Variants in ERBB4 observed in about 807,000 individuals in gnomAD.
The protein encoded by ERBB4 is erb-b2 receptor tyrosine kinase 4.
In ERBB4, 42 loss-of-function variants were observed where a neutral mutation model predicts 158.0. That is an observed-to-expected ratio of 0.27 (90% CI 0.21 to 0.34). The LOEUF (loss-of-function observed/expected upper bound fraction) is 0.34, where lower values mean the gene tolerates loss of function less well. ERBB4 is among the 10% of genes least tolerant of loss of function. The probability of loss-of-function intolerance (pLI) is 1.00; values close to 1 mark genes in which losing one functional copy is unlikely to be tolerated. For synonymous variants in ERBB4, 583 were observed against 558.7 expected, an observed-to-expected ratio of 1.04 and a Z score of -0.61; for missense variants, 1,333 against 1,624.1, an observed-to-expected ratio of 0.82 and a Z score of 3.08.
At chr2:211,999,812 C>A (rs2076063090) in intron 2 of ERBB4, among the ~76,000 whole-genome samples, 1 of 151,566 alleles carries the variant, frequency 6.6e-6, no homozygotes, top group African/African-American at 2.4e-5. Flanking sequence ...CTTACCTATT[C>A]ATTTTACTGT....
chr2:211,553,782 T>C (rs2067166983), intron 20 of ERBB4, among the ~76,000 whole-genome samples: 2 of 152,202 alleles, frequency 1.3e-5, no homozygotes, highest in Admixed American at 6.5e-5. Context: ...CCAGAATCTG[T>C]AGGCTAAACA....
At position 211,665,483 on chromosome 2, in the gene ERBB4, A is replaced by G. The variant is rs756749259; in HGVS notation, c.1717-6T>C. ...TTTGTACAGTTGTCAGGACCCTGAA[A>G]TGTGAAAACGAAAAAAAAAGAAAAA... is the stretch of plus-strand genomic sequence containing the variant. On this transcript the variant is annotated splice_region_variant and splice_polypyrimidine_tract_variant and intron_variant, in intron 14 of 27. Coordinates refer to ENST00000342788, the MANE Select transcript of ERBB4 (RefSeq NM_005235.3). 5 of 1,613,884 alleles carry G rather than the reference A, an allele frequency of 3.1e-6. No individual in the cohort carries two copies. Among genetic ancestry groups the G allele is most frequent in the Middle Eastern group, 1.6e-4 (1 of 6,062 alleles).
chr2:212,210,793 AGGGAT>A (rs982612015), intron 1 of ERBB4, among the ~76,000 whole-genome samples: 3 of 152,040 alleles, frequency 2.0e-5, no homozygotes, highest in African/African-American at 7.2e-5. Context: ...ATACTCTCTG[AGGGAT>A]GTCATGGTTT....
chr2:212,520,083 A>T (rs1387455826), intron 1 of ERBB4, among the ~76,000 whole-genome samples: 4 of 151,968 alleles, frequency 2.6e-5, no homozygotes. Flanking sequence ...ATATATCAGG[A>T]TACCTTAATT....
At chr2:211,866,170 G>T (rs2078201279) in intron 3 of ERBB4, among the ~76,000 whole-genome samples, 1 of 152,136 alleles carries the variant, frequency 6.6e-6, no homozygotes, top group South Asian at 2.1e-4. Context: ...AGAATCGCCT[G>T]TACCCGGGAG....
chr2:212,010,097 T>G (rs1365358788), intron 2 of ERBB4, among the ~76,000 whole-genome samples: 1 of 152,186 alleles, frequency 6.6e-6, no homozygotes, highest in Non-Finnish European at 1.5e-5. Flanking sequence ...GCCTCGTTTT[T>G]TGACCATGGA....
intron 18 of ERBB4, among the ~76,000 whole-genome samples, chr2:211,621,490 A>G (rs1049776882): frequency 2.0e-5 from 3 of 152,306 alleles, no homozygotes; most frequent in Non-Finnish European, 2.9e-5. Context: ...AGTAATTTCA[A>G]TTAGGGTAAA....
At chr2:212,193,002 G>A (rs554181186) in intron 1 of ERBB4, among the ~76,000 whole-genome samples, 30 of 152,198 alleles carry the variant, frequency 2.0e-4, no homozygotes, top group Admixed American at 1.5e-3. Context: ...CTGTCACAGA[G>A]GAAACCTTGG....
intron 3 of ERBB4, among the ~76,000 whole-genome samples, chr2:211,860,802 C>G (rs2106070535): frequency 6.7e-6 from 1 of 149,460 alleles, no homozygotes; most frequent in East Asian, 2.0e-4. Context: ...TGTTATAATA[C>G]TACCATGGTG....
chr2:211,812,500 G>T (rs778791273), intron 3 of ERBB4, among the ~76,000 whole-genome samples: 48 of 152,186 alleles, frequency 3.2e-4, no homozygotes, highest in Non-Finnish European at 5.7e-4. Context: ...AGGGGTCAGG[G>T]ACCCACTTGA....
At chr2:211,746,988 G>T (rs62183021) in intron 5 of ERBB4, among the ~76,000 whole-genome samples, 1 of 151,898 alleles carries the variant, frequency 6.6e-6, no homozygotes, top group Non-Finnish European at 1.5e-5. Flanking sequence ...TCAACTCTCT[G>T]TATGGCTGCT....
At chr2:211,730,562 A>C (rs1439392365) in intron 5 of ERBB4, among the ~76,000 whole-genome samples, 1 of 152,006 alleles carries the variant, frequency 6.6e-6, no homozygotes, top group East Asian at 1.9e-4. Flanking sequence ...TAGATCAACT[A>C]ACAGTCTTTC....
At chr2:211,762,607 T>A (rs2075443610) in intron 4 of ERBB4, among the ~76,000 whole-genome samples, 1 of 152,240 alleles carries the variant, frequency 6.6e-6, no homozygotes, top group Admixed American at 6.5e-5. Flanking sequence ...GACCTTCATC[T>A]GTCAGATTGC....
chr2:212,086,033 T>A (rs537244905), intron 2 of ERBB4, among the ~76,000 whole-genome samples: 194 of 152,026 alleles, frequency 1.3e-3, no homozygotes, highest in African/African-American at 4.6e-3. Flanking sequence ...CACATCCTAA[T>A]CATTGACATG....
intron 1 of ERBB4, among the ~76,000 whole-genome samples, chr2:212,243,015 A>G (rs1198697313): frequency 6.6e-6 from 1 of 152,066 alleles, no homozygotes; most frequent in Non-Finnish European, 1.5e-5. Flanking sequence ...GCCACCTCTC[A>G]TTGTCTCTTC....
chr2:212,176,069 G>A (rs1045414092), intron 1 of ERBB4, among the ~76,000 whole-genome samples: 2 of 151,950 alleles, frequency 1.3e-5, no homozygotes, highest in Non-Finnish European at 2.9e-5. Context: ...ATAGTTTCCA[G>A]TTTTACTAAG....
chr2:211,746,051 TCA>T (rs1366796822), intron 5 of ERBB4, among the ~76,000 whole-genome samples: 1 of 152,236 alleles, frequency 6.6e-6, no homozygotes, highest in Non-Finnish European at 1.5e-5. Flanking sequence ...CCTCTTTAAC[TCA>T]CAGGAATATT....
chr2:212,076,381 C>G (rs2078275333), intron 2 of ERBB4, among the ~76,000 whole-genome samples: 1 of 151,644 alleles, frequency 6.6e-6, no homozygotes, highest in East Asian at 1.9e-4. Context: ...TTGACTTTAC[C>G]ATATCATAAA....
intron 1 of ERBB4, among the ~76,000 whole-genome samples, chr2:212,445,584 T>G (rs771436318): frequency 2.6e-5 from 4 of 152,174 alleles, no homozygotes; most frequent in Non-Finnish European, 5.9e-5. Flanking sequence ...GAAATCAGAC[T>G]ACTACTCCAT....
Sources: gnomAD v4.1 joint callset for allele counts (sites outside exome capture counted in the v4.1 genomes callset) on GRCh38, gnomAD v4.1.1 for gene constraint, MANE v1.5 for transcripts, NCBI Gene and HGNC (gene_info 2026-07-23, HGNC 2026-07-21) for gene names.